FANCI: variants seen among roughly 807,000 people sequenced by gnomAD.
FANCI encodes the protein FA complementation group I.
A neutral mutation model predicts 176.1 loss-of-function variants in FANCI; 156 were observed. The observed-to-expected ratio is 0.89, with a 90% CI of 0.78 to 1.01. The LOEUF (loss-of-function observed/expected upper bound fraction) is 1.01, where lower values mean the gene tolerates loss of function less well. Ranked by LOEUF, FANCI falls within the 50% of genes least tolerant of loss-of-function variation. The pLI is 0.00. For synonymous variants in FANCI, 613 were observed against 541.7 expected (o/e 1.13, Z -1.83); for missense variants, 1,678 against 1,534.1 (o/e 1.09, Z -1.57).
At chr15:89,248,112 G>A (rs983180351) in intron 2 of FANCI, among the ~76,000 whole-genome samples, 6 of 152,026 alleles carry the variant, frequency 3.9e-5, no homozygotes, top group Non-Finnish European at 7.4e-5. Flanking sequence ...GTATTTTTCC[G>A]TAAAGAAATT....
At chr15:89,256,186 G>A (rs947150791) in intron 2 of FANCI, among the ~76,000 whole-genome samples, 4 of 152,130 alleles carry the variant, frequency 2.6e-5, no homozygotes, top group African/African-American at 9.7e-5. Context: ...TCTTTGTTGT[G>A]GTGGGCTGTC....
chr15:89,297,255 C>T (rs4581682), intron 24 of FANCI, among the ~76,000 whole-genome samples: 73,358 of 150,056 alleles, frequency 0.49, 18,162 homozygotes, highest in African/African-American at 0.56. Context: ...CAGGCAGAGA[C>T]GCTCCTCACT....
intron 14 of FANCI, among the ~76,000 whole-genome samples, chr15:89,279,112 T>G (rs904382682): frequency 6.6e-6 from 1 of 152,052 alleles, no homozygotes; most frequent in African/African-American, 2.4e-5. Flanking sequence ...TGCACAGTGT[T>G]TCTCTCTGGT....
intron 19 of FANCI, chr15:89,290,569 A>C (rs926026089): frequency 1.4e-5 from 5 of 364,214 alleles, no homozygotes; most frequent in Non-Finnish European, 2.6e-5. Flanking sequence ...TTGCAACTGT[A>C]TCCATTATGT....
At chr15:89,292,030 G>A (rs574048535) in intron 20 of FANCI, among the ~76,000 whole-genome samples, 2 of 152,256 alleles carry the variant, frequency 1.3e-5, no homozygotes, top group South Asian at 2.1e-4. Context: ...TGTCACCTAC[G>A]AACAGATGAA....
Position 89,282,023 on chromosome 15 carries a change from C to T in FANCI, c.1583+188C>T, listed in dbSNP as rs1035478141. The T allele has an allele frequency of 8.4e-6, 5 of 595,442 alleles. No homozygotes were observed. In the African/African-American group the frequency reaches 9.3e-5, roughly 11 times the overall value. 36.9% of individuals were successfully genotyped at this position (595,442 alleles called of 1,614,324 possible). A position where few individuals can be genotyped will look rare whatever the true frequency, so the allele number is the denominator to read the frequency against. ...TGCTTTTTTCATTTAGTCTTCAGAG[C>T]AACCCTATGAAGTAAGAATTATTGC... On this transcript the variant is annotated intron_variant, in intron 16 of 37. Coordinates refer to ENST00000310775, the MANE Select transcript of FANCI (RefSeq NM_001113378.2).
intron 1 of FANCI, chr15:89,245,166 TC>T (rs1490981594): frequency 2.0e-4 from 24 of 117,696 alleles, no homozygotes; most frequent in African/African-American, 8.6e-4. Context: ...GCTTTTCTTT[TC>T]TTTTCTTTTC....
intron 18 of FANCI, among the ~76,000 whole-genome samples, chr15:89,286,014 C>G (rs921283945): frequency 6.6e-6 from 1 of 151,032 alleles, no homozygotes; most frequent in Non-Finnish European, 1.5e-5. Flanking sequence ...GACAGAGTCT[C>G]GCTCTGTCAC....
intron 16 of FANCI, chr15:89,282,581 C>T (rs1181542863): frequency 2.2e-5 from 4 of 178,300 alleles, no homozygotes; most frequent in African/African-American, 9.5e-5. Context: ...AAGCCATATG[C>T]TATTATCTTT....
At chr15:89,247,457 A>C in intron 1 of FANCI, 172 bp from the exon 2 acceptor site, 1 of 611,974 alleles carries the variant, frequency 1.6e-6, no homozygotes, top group Non-Finnish European at 2.9e-6. Context: ...TCATCTTGCC[A>C]CTGAGCTTAA....
Position 89,314,492 on chromosome 15 carries a change from T to A in FANCI, c.3721-120T>A, listed in dbSNP as rs2055121305. On this transcript the variant is annotated intron_variant, in intron 35 of 37. Transcript: ENST00000310775. ...TTAGATTACTGGTATACAACTGCAT[T>A]TGATTGGGAGACAGACTAGTTTTCC... is the stretch of plus-strand genomic sequence containing the variant. The A allele has an allele frequency of 4.2e-6, 3 of 710,024 alleles. No individual in the cohort carries two copies. The Admixed American group carries it at 6.6e-5, about 16-fold the overall frequency. The allele number at this position is 710,024 out of a possible 1,614,324, so 44.0% of individuals were successfully genotyped here.
chr15:89,297,808 G>A (rs1051103781), intron 24 of FANCI, among the ~76,000 whole-genome samples: 1 of 148,928 alleles, frequency 6.7e-6, no homozygotes, highest in African/African-American at 2.5e-5. Context: ...TTGTTTTTTT[G>A]TTTTTGTTTT....
intron 10 of FANCI, 49 bp from the exon 11 acceptor site, chr15:89,273,328 A>T: frequency 1.1e-6 from 1 of 937,878 alleles, no homozygotes; most frequent in Non-Finnish European, 1.7e-6. Context: ...AAAAAAAAAG[A>T]AAAAAGAAAA....
At position 89,301,318 on chromosome 15, in the gene FANCI, T is replaced by C. The variant is rs756242279; in HGVS notation, c.2890-8T>C. On this transcript the variant is annotated splice_polypyrimidine_tract_variant and splice_region_variant and intron_variant, in intron 26 of 37. Coordinates refer to ENST00000310775, the MANE Select transcript of FANCI (RefSeq NM_001113378.2). The stretch of plus-strand genomic sequence containing the variant: ...ACATTGCTTGCTGTGTGTGCCTTCC[T>C]TTCTCAGAGGTCCTTGTTGAATTTA... 6.3e-7 allele frequency: 1 copy of C among 1,599,924 alleles called. No homozygotes were observed. The highest frequency in any genetic ancestry group is 8.6e-7 in the Non-Finnish European group (1 of 1,167,102).
At chr15:89,273,102 C>T (rs1007745001) in intron 10 of FANCI, among the ~76,000 whole-genome samples, 1 of 151,962 alleles carries the variant, frequency 6.6e-6, no homozygotes, top group Non-Finnish European at 1.5e-5. Context: ...GAGTTTGAGA[C>T]TCTCCTGGGC....
Position 89,295,030 on chromosome 15 carries a change from C to G in FANCI, c.2572C>G (p.His858Asp), listed in dbSNP as rs1361710673. Reference protein sequence around the residue: ...QKVQQLKETGHVSGPDGQNPE... With the variant: ...QKVQQLKETGDVSGPDGQNPE... Reference sequence around the variant, plus strand: ...AGTACAGCAGCTAAAGGAAACAGGGCATGTGAGTGGCCCTGATGGCCAAAA... The same window carrying G: ...AGTACAGCAGCTAAAGGAAACAGGGGATGTGAGTGGCCCTGATGGCCAAAA... Residue 858 changes from histidine to aspartate, a missense_variant, in exon 24 of 38, where the codon CAT (histidine) becomes GAT (aspartate). Physicochemically the swap from His to Asp is moderately conservative, Grantham distance 81. This residue lies in a region of FANCI where 1,204 missense variants were observed against 1,077.4 expected (regional missense o/e 1.12). Coordinates refer to ENST00000310775, the MANE Select transcript of FANCI (RefSeq NM_001113378.2). 1 of 1,552,246 alleles carries G rather than the reference C, an allele frequency of 6.4e-7. No individual in the cohort carries two copies. The highest frequency in any genetic ancestry group is 2.4e-5 in the East Asian group (1 of 40,918).
intron 2 of FANCI, among the ~76,000 whole-genome samples, chr15:89,255,947 A>T (rs1050610858): frequency 2.0e-5 from 3 of 152,206 alleles, no homozygotes; most frequent in Non-Finnish European, 4.4e-5. Context: ...TCTCCCCTTT[A>T]TCTCAGTCCT....
chr15:89,292,982 TA>T lies in FANCI; in HGVS notation c.2216del (p.Asn739IlefsTer8). 1 of 1,614,092 alleles carries T rather than the reference TA, an allele frequency of 6.2e-7. No homozygotes were observed. Among genetic ancestry groups the T allele is most frequent in the South Asian group, 1.1e-5 (1 of 91,078 alleles). ...TTTTCTCAGAGCACCAGTATTGGCA[TA>T]AAAAATAATATCTGTGCTTTTCTTG... ...ADFSQSTSIG[I>X]KNNICAFLVM... On this transcript the variant is annotated frameshift_variant, in exon 22 of 38. Coordinates refer to ENST00000310775, the MANE Select transcript of FANCI (RefSeq NM_001113378.2). LOFTEE classifies it high-confidence loss of function.
intron 2 of FANCI, among the ~76,000 whole-genome samples, chr15:89,253,278 A>G (rs1337614976): frequency 6.6e-6 from 1 of 152,204 alleles, no homozygotes; most frequent in Non-Finnish European, 1.5e-5. Context: ...GAAAAAATAG[A>G]TGAAATTAGA....
Sources: gnomAD v4.1 joint callset for allele counts (sites outside exome capture counted in the v4.1 genomes callset) on GRCh38, gnomAD v4.1.1 for gene constraint, gnomAD v4.1.1 regional missense constraint, MANE v1.5 for transcripts, NCBI Gene and HGNC (gene_info 2026-07-23, HGNC 2026-07-21) for gene names.